Variants in NRF1 observed in about 807,000 individuals in gnomAD.
NRF1 encodes the protein nuclear respiratory factor 1, also known as alpha palindromic-binding protein.
A neutral mutation model predicts 58.5 loss-of-function variants in NRF1; 5 were observed. That is an observed-to-expected ratio of 0.09 (90% CI 0.04 to 0.18). The LOEUF is 0.18. Ranked by LOEUF, NRF1 falls within the 10% of genes least tolerant of loss-of-function variation. NRF1 has a pLI of 1.00. For synonymous variants in NRF1, 224 were observed against 246.7 expected (o/e 0.91, Z 0.86); for missense variants, 288 against 657.7 (o/e 0.44, Z 6.15).
At chr7:129,678,990 G>T (rs1802244902) in intron 4 of NRF1, among the ~76,000 whole-genome samples, 1 of 152,078 alleles carries the variant, frequency 6.6e-6, no homozygotes, top group Non-Finnish European at 1.5e-5. Flanking sequence ...ACAGGTTAGG[G>T]ACTTGCAAGT....
chr7:129,746,966 T>A (rs1365097247), intron 10 of NRF1, among the ~76,000 whole-genome samples: 4 of 152,208 alleles, frequency 2.6e-5, no homozygotes, highest in Non-Finnish European at 5.9e-5. Context: ...TCCCAAAGGT[T>A]TCCCAGACTG....
At chr7:129,724,434 A>G (rs1158544655) in intron 9 of NRF1, among the ~76,000 whole-genome samples, 1 of 152,228 alleles carries the variant, frequency 6.6e-6, no homozygotes, top group Non-Finnish European at 1.5e-5. Flanking sequence ...TGTTGGTGGG[A>G]ATGTAAAATG....
At chr7:129,652,415 C>T (rs1309525595) in intron 1 of NRF1, among the ~76,000 whole-genome samples, 5 of 152,056 alleles carry the variant, frequency 3.3e-5, no homozygotes, top group African/African-American at 1.2e-4. Flanking sequence ...CAATATACAT[C>T]AAAATTTAAA....
chr7:129,615,719 A>G (rs552789482), intron 1 of NRF1, among the ~76,000 whole-genome samples: 1 of 152,290 alleles, frequency 6.6e-6, no homozygotes, highest in African/African-American at 2.4e-5. Flanking sequence ...GATACATGTT[A>G]ATTTTTGTGC....
intron 10 of NRF1, among the ~76,000 whole-genome samples, chr7:129,740,039 G>T (rs1803810742): frequency 6.6e-6 from 1 of 152,168 alleles, no homozygotes; most frequent in Admixed American, 6.6e-5. Context: ...ATGGTGTTGA[G>T]GAGGGGAAGG....
At chr7:129,618,540 A>T (rs916193024) in intron 1 of NRF1, among the ~76,000 whole-genome samples, 13 of 152,198 alleles carry the variant, frequency 8.5e-5, no homozygotes, top group Non-Finnish European at 1.3e-4. Flanking sequence ...ACAAAAATTT[A>T]AAAAATTTGT....
rs183746650 is a variant in NRF1, at chr7:129,699,910, C to T, written c.607-9165C>T. The stretch of plus-strand genomic sequence containing the variant: ...ATCCCAGCACTTTGGGAGGCCAAGG[C>T]GGGCAGATCACGAGGTCAGGAGTTT... On this transcript the variant is annotated intron_variant, in intron 5 of 10. Coordinates refer to ENST00000393232, the MANE Select transcript of NRF1 (RefSeq NM_005011.5). Among the ~76,000 whole-genome samples, 209 of 149,174 alleles carry T rather than the reference C, an allele frequency of 1.4e-3. 1 individual carries two copies. The highest frequency in any genetic ancestry group is 4.3e-3 in the African/African-American group (175 of 40,522).
At chr7:129,675,015 C>T (rs1802143976) in intron 3 of NRF1, among the ~76,000 whole-genome samples, 1 of 152,126 alleles carries the variant, frequency 6.6e-6, no homozygotes, top group South Asian at 2.1e-4. Flanking sequence ...GAGTTAATCC[C>T]CTCCAACTCT....
intron 10 of NRF1, among the ~76,000 whole-genome samples, chr7:129,737,716 A>G (rs1162929067): frequency 6.6e-6 from 1 of 152,196 alleles, no homozygotes; most frequent in Non-Finnish European, 1.5e-5. Context: ...TCCAGTGTGT[A>G]CTAAATCACT....
chr7:129,712,825 T>G (rs911994943), intron 8 of NRF1, among the ~76,000 whole-genome samples: 6 of 152,158 alleles, frequency 3.9e-5, no homozygotes, highest in Non-Finnish European at 8.8e-5. Context: ...TAAACATCAT[T>G]AAAGGATATG....
intron 10 of NRF1, among the ~76,000 whole-genome samples, chr7:129,731,353 T>C (rs1803574970): frequency 6.6e-6 from 1 of 151,488 alleles, no homozygotes; most frequent in African/African-American, 2.4e-5. Context: ...GATGAAGACA[T>C]TGCACCTAGC....
intron 1 of NRF1, 42 bp from the exon 2 acceptor site, chr7:129,657,304 A>T: frequency 7.2e-7 from 1 of 1,389,492 alleles, no homozygotes; most frequent in South Asian, 1.2e-5. Context: ...GTGTTATATT[A>T]CACACTGAAT....
intron 2 of NRF1, among the ~76,000 whole-genome samples, chr7:129,662,740 G>GTTTATTTA (rs558542957): frequency 6.6e-6 from 1 of 151,876 alleles, no homozygotes; most frequent in East Asian, 1.9e-4. Flanking sequence ...CCAATTTAAG[G>GTTTATTTA]TTTATTTATT....
intron 5 of NRF1, among the ~76,000 whole-genome samples, chr7:129,707,048 A>ACTTC: frequency 6.6e-6 from 1 of 152,126 alleles, no homozygotes; most frequent in East Asian, 1.9e-4. Flanking sequence ...GGCTGGAGTG[A>ACTTC]AGTGGCACCA....
At chr7:129,714,508 T>C (rs990733320) in intron 8 of NRF1, among the ~76,000 whole-genome samples, 10 of 152,188 alleles carry the variant, frequency 6.6e-5, no homozygotes, top group Admixed American at 2.6e-4. Flanking sequence ...CACCTAAGAA[T>C]TGATAGTGCA....
chr7:129,732,854 A>C (rs1324726710), intron 10 of NRF1, among the ~76,000 whole-genome samples: 1 of 152,100 alleles, frequency 6.6e-6, no homozygotes, highest in Non-Finnish European at 1.5e-5. Context: ...TGCCCGCCTC[A>C]GCCTCCCAAA....
Position 129,709,190 on chromosome 7 carries a change from C to T in NRF1, c.722C>T (p.Ala241Val). 6.3e-7 allele frequency: 1 copy of T among 1,582,184 alleles called. No homozygotes were observed. Among genetic ancestry groups the T allele is most frequent in the Non-Finnish European group, 8.6e-7 (1 of 1,162,506 alleles). ...PIWWPEDIPW[A>V]NVRSDVRTEE... ...TGGTGGCCTGAAGATATCCCCTGGG[C>T]AAATGTCCGGAGTGATGTCCGCACA... The change falls in exon 6 of 11, where the codon GCA becomes GTA. Residue 241 changes from alanine to valine, a missense_variant. Coordinates refer to ENST00000393232, the MANE Select transcript of NRF1 (RefSeq NM_005011.5).
At chr7:129,632,874 C>T (rs953302126) in intron 1 of NRF1, among the ~76,000 whole-genome samples, 1 of 152,078 alleles carries the variant, frequency 6.6e-6, no homozygotes, top group Non-Finnish European at 1.5e-5. Context: ...GCCCAGCTAT[C>T]CAGAGATACT....
chr7:129,657,332 T>C lies in NRF1; in HGVS notation c.-6-14T>C, dbSNP rs139986933. On this transcript the variant is annotated splice_polypyrimidine_tract_variant and intron_variant, in intron 1 of 10. Transcript: ENST00000393232. ...CACTGAATCCTGTTCTTTTTCTTTT[T>C]TGTCTGACAGTAGAACTTCATGGAG... 1 of 1,574,148 alleles carries C rather than the reference T, an allele frequency of 6.4e-7. No individual in the cohort carries two copies. The highest frequency in any genetic ancestry group is 1.3e-5 in the African/African-American group (1 of 74,182).
Sources: gnomAD v4.1 joint callset for allele counts (sites outside exome capture counted in the v4.1 genomes callset) on GRCh38, gnomAD v4.1.1 for gene constraint, MANE v1.5 for transcripts, NCBI Gene and HGNC (gene_info 2026-07-23, HGNC 2026-07-21) for gene names.